Variants in DPP10 observed in about 807,000 individuals in gnomAD.
DPP10 encodes the protein dipeptidyl peptidase like 10.
Under a neutral mutation model 120.9 loss-of-function variants are expected in DPP10, and 33 were observed. That is an observed-to-expected ratio of 0.27 (90% CI 0.21 to 0.37). The LOEUF (loss-of-function observed/expected upper bound fraction) is 0.37. DPP10 is among the 10% of genes least tolerant of loss of function. The probability of loss-of-function intolerance (pLI) is 1.00; values close to 1 mark genes in which losing one functional copy is unlikely to be tolerated. For missense variants in DPP10, 816 were observed against 942.8 expected (o/e 0.87, Z 1.76); for synonymous variants, 337 against 326.1 (o/e 1.03, Z -0.36).
chr2:114,446,006 G>A (rs1388676848), intron 1 of DPP10, among the ~76,000 whole-genome samples: 1 of 152,158 alleles, frequency 6.6e-6, no homozygotes, highest in Non-Finnish European at 1.5e-5. Flanking sequence ...TCCTGTGAAG[G>A]TAGCAACATT....
intron 5 of DPP10, among the ~76,000 whole-genome samples, chr2:115,633,420 A>T (rs1196079817): frequency 6.6e-6 from 1 of 152,070 alleles, no homozygotes; most frequent in Non-Finnish European, 1.5e-5. Context: ...ATCACACACC[A>T]GGGTCTGTTG....
rs533255180 is a variant in DPP10 at position 115,225,798 on chromosome 2, A to G, written c.61-83441A>G. ...ATTGATTTTTGTGGGAAAAAAATTG[A>G]AAAAGATTTTTTTTTTCAATTGAGA... On this transcript the variant is annotated intron_variant, in intron 1 of 25. Coordinates refer to ENST00000410059, the MANE Select transcript of DPP10 (RefSeq NM_020868.6). 5.9e-5 allele frequency among the ~76,000 whole-genome samples: 9 copies of G among 152,122 alleles called. No homozygotes were observed. In the South Asian group the frequency reaches 8.3e-4, roughly 14 times the overall value.
chr2:115,175,723 G>T (rs1398301845), intron 1 of DPP10, among the ~76,000 whole-genome samples: 1 of 152,186 alleles, frequency 6.6e-6, no homozygotes, highest in African/African-American at 2.4e-5. Context: ...TTTCCAATAT[G>T]ATAACCACCA....
intron 7 of DPP10, among the ~76,000 whole-genome samples, chr2:115,700,911 A>G (rs2091857245): frequency 6.6e-6 from 1 of 152,136 alleles, no homozygotes; most frequent in African/African-American, 2.4e-5. Context: ...TACAATGAAA[A>G]CTAAAAAATA....
At chr2:115,151,038 A>C (rs1413248959) in intron 1 of DPP10, among the ~76,000 whole-genome samples, 3 of 152,170 alleles carry the variant, frequency 2.0e-5, no homozygotes, top group African/African-American at 7.2e-5. Flanking sequence ...GACTCCTCAA[A>C]AAACTCCCAC....
chr2:114,853,787 T>A (rs1689159447), intron 1 of DPP10, among the ~76,000 whole-genome samples: 1 of 152,160 alleles, frequency 6.6e-6, no homozygotes, highest in Non-Finnish European at 1.5e-5. Context: ...GAGGGCCACA[T>A]GGTGAGGTAC....
At chr2:115,490,840 T>C (rs1157565029) in intron 3 of DPP10, among the ~76,000 whole-genome samples, 1 of 152,218 alleles carries the variant, frequency 6.6e-6, no homozygotes. Context: ...GCGAGAGGGC[T>C]GTGCGTGGTG....
intron 13 of DPP10, among the ~76,000 whole-genome samples, chr2:115,769,620 G>A (rs1422093169): frequency 2.0e-5 from 3 of 151,830 alleles, no homozygotes; most frequent in Non-Finnish European, 4.4e-5. Flanking sequence ...AATGTATAAT[G>A]TGATCCTATT....
chr2:115,366,183 C>G (rs867477539), intron 3 of DPP10, among the ~76,000 whole-genome samples: 3 of 151,774 alleles, frequency 2.0e-5, no homozygotes, highest in African/African-American at 7.3e-5. Context: ...GCCTATAATG[C>G]TCTGGATGAC....
intron 3 of DPP10, among the ~76,000 whole-genome samples, chr2:115,370,580 T>G (rs2065342875): frequency 6.6e-6 from 1 of 152,110 alleles, no homozygotes; most frequent in Non-Finnish European, 1.5e-5. Context: ...GATTACATGA[T>G]GGTTAAAATG....
chr2:115,673,511 A>G (rs2090061371), intron 5 of DPP10, among the ~76,000 whole-genome samples: 1 of 152,212 alleles, frequency 6.6e-6, no homozygotes. Flanking sequence ...AGATAATCCT[A>G]ATAACAAGTT....
chr2:114,802,730 T>C (rs1684367054), intron 1 of DPP10, among the ~76,000 whole-genome samples: 1 of 152,314 alleles, frequency 6.6e-6, no homozygotes, highest in South Asian at 2.1e-4. Context: ...TAGTTTTCCT[T>C]GTACATTAAA....
chr2:114,732,689 T>A (rs79907757), intron 1 of DPP10, among the ~76,000 whole-genome samples: 4 of 152,314 alleles, frequency 2.6e-5, no homozygotes, highest in Non-Finnish European at 4.4e-5. Context: ...GGGTAATGTT[T>A]GAGGGAGGAA....
chr2:115,024,109 A>T (rs1302962457), intron 1 of DPP10, among the ~76,000 whole-genome samples: 3 of 152,126 alleles, frequency 2.0e-5, no homozygotes, highest in African/African-American at 7.2e-5. Context: ...ACTGCTAAGG[A>T]ACTTATTCAG....
At chr2:114,753,637 C>T (rs887351750) in intron 1 of DPP10, among the ~76,000 whole-genome samples, 4 of 151,984 alleles carry the variant, frequency 2.6e-5, no homozygotes, top group Non-Finnish European at 4.4e-5. Flanking sequence ...GGGCTGGGCG[C>T]GGTGGCTCAC....
chr2:115,127,290 T>C (rs1209954036), intron 1 of DPP10, among the ~76,000 whole-genome samples: 1 of 152,218 alleles, frequency 6.6e-6, no homozygotes, highest in African/African-American at 2.4e-5. Flanking sequence ...TTATTTGTTA[T>C]AAAATAGAGA....
At chr2:114,639,181 A>G (rs1695524536) in intron 1 of DPP10, among the ~76,000 whole-genome samples, 2 of 151,924 alleles carry the variant, frequency 1.3e-5, no homozygotes, top group Non-Finnish European at 2.9e-5. Flanking sequence ...AGGCCTCACA[A>G]TCATAGCTGA....
intron 3 of DPP10, among the ~76,000 whole-genome samples, chr2:115,355,222 A>G (rs555681062): frequency 2.6e-5 from 4 of 152,156 alleles, no homozygotes; most frequent in East Asian, 1.9e-4. Context: ...AGCAGCATCT[A>G]TTGTTTCTTA....
intron 1 of DPP10, among the ~76,000 whole-genome samples, chr2:114,942,512 C>A (rs937310032): frequency 2.7e-5 from 4 of 148,922 alleles, no homozygotes; most frequent in African/African-American, 7.6e-5. Flanking sequence ...AAGATTGTGG[C>A]CAGGAAGAAT....
Sources: gnomAD v4.1 joint callset for allele counts (sites outside exome capture counted in the v4.1 genomes callset) on GRCh38, gnomAD v4.1.1 for gene constraint, MANE v1.5 for transcripts, NCBI Gene and HGNC (gene_info 2026-07-23, HGNC 2026-07-21) for gene names.